The following DNAAF4 variants were observed in gnomAD, a reference collection of about 807,000 sequenced individuals.
The protein encoded by DNAAF4 is dynein axonemal assembly factor 4, also known as dynein assembly factor 4, axonemal.
Under a neutral mutation model 51.8 loss-of-function variants are expected in DNAAF4, and 43 were observed. The ratio of observed to expected loss-of-function variants is 0.83; its 90% CI spans 0.65 to 1.07. The LOEUF (loss-of-function observed/expected upper bound fraction) is 1.07, where lower values mean the gene tolerates loss of function less well. Ranked by LOEUF, DNAAF4 falls within the 50% of genes least tolerant of loss-of-function variation. The pLI is 0.00. For synonymous variants in DNAAF4, 194 were observed against 165.6 expected, an observed-to-expected ratio of 1.17 and a Z score of -1.32; for missense variants, 581 against 493.0, an observed-to-expected ratio of 1.18 and a Z score of -1.69.
At chr15:55,489,761 A>C (rs1216380181) in intron 4 of DNAAF4, among the ~76,000 whole-genome samples, 2 of 152,108 alleles carry the variant, frequency 1.3e-5, no homozygotes, top group Non-Finnish European at 2.9e-5. Flanking sequence ...ATAGAAAACA[A>C]TGCTAGTTAT....
intron 5 of DNAAF4, among the ~76,000 whole-genome samples, chr15:55,456,559 A>C (rs1208476869): frequency 6.6e-6 from 1 of 152,196 alleles, no homozygotes; most frequent in Non-Finnish European, 1.5e-5. Flanking sequence ...CACAATGCGA[A>C]CTTTTACTCC....
At chr15:55,479,660 C>T (rs1049312174) in intron 4 of DNAAF4, among the ~76,000 whole-genome samples, 6 of 152,054 alleles carry the variant, frequency 3.9e-5, no homozygotes, top group African/African-American at 7.2e-5. Context: ...GGAGACATAT[C>T]GCTAAATTCT....
intron 5 of DNAAF4, among the ~76,000 whole-genome samples, chr15:55,453,548 C>CTTT (rs1228330492): frequency 2.4e-4 from 28 of 115,652 alleles, no homozygotes; most frequent in African/African-American, 4.8e-4. Flanking sequence ...AAAAACAGTT[C>CTTT]TTTTTTTTTT....
intron 1 of DNAAF4, among the ~76,000 whole-genome samples, chr15:55,505,785 G>T (rs2058724296): frequency 6.6e-6 from 1 of 152,068 alleles, no homozygotes; most frequent in Non-Finnish European, 1.5e-5. Flanking sequence ...GGGGCTGGGG[G>T]AGGGATAGCG....
At chr15:55,504,028 A>G (rs1567039012) in intron 1 of DNAAF4, among the ~76,000 whole-genome samples, 2 of 152,208 alleles carry the variant, frequency 1.3e-5, no homozygotes, top group South Asian at 4.1e-4. Flanking sequence ...AGAAAACCGC[A>G]TAGCCTCAGC....
intron 4 of DNAAF4, among the ~76,000 whole-genome samples, chr15:55,482,840 T>C (rs771389543): frequency 1.3e-5 from 2 of 152,186 alleles, no homozygotes; most frequent in Non-Finnish European, 2.9e-5. Context: ...TACTATGCCA[T>C]ATTATTCATC....
chr15:55,443,692 A>T (rs1263292147), intron 6 of DNAAF4, among the ~76,000 whole-genome samples: 9 of 151,508 alleles, frequency 5.9e-5, no homozygotes, highest in South Asian at 2.1e-4. Flanking sequence ...ATTTCTCCAC[A>T]TCCTCTCCAG....
At position 55,439,507 on chromosome 15, in the gene DNAAF4, T is replaced by G. The variant is rs74375435; in HGVS notation, c.858A>C (p.Glu286Asp). ...DIAELCDLKE[E>D]EKNPEWLKDK... ...CCTTCAACCATTCTGGGTTCTTTTC[T>G]TCTTCTTTTAAATCGCAAAGTTCAG... Residue 286 changes from glutamate (E) to aspartate (D), a missense_variant, in exon 7 of 10, where the codon GAA (glutamate) becomes GAC (aspartate). Glu to Asp is a conservative substitution (Grantham distance 45). Transcript: ENST00000321149. The G allele has an allele frequency of 6.8e-6, 11 of 1,614,152 alleles. No homozygotes were observed. Among genetic ancestry groups the G allele is most frequent in the Non-Finnish European group, 9.3e-6 (11 of 1,180,008 alleles).
rs561682032 is a variant in DNAAF4 at position 55,492,210 on chromosome 15, C to T, written c.272-954G>A. Among the ~76,000 whole-genome samples, 29 of 90,506 alleles carry T rather than the reference C, an allele frequency of 3.2e-4. No homozygotes were observed. The South Asian group carries it at 3.7e-3, about 12-fold the overall frequency. The allele number at this position is 90,506 out of a possible 152,430, so 59.4% of individuals were successfully genotyped here. A position where few individuals can be genotyped will look rare whatever the true frequency, so the allele number is the denominator to read the frequency against. ...CCAAAGTTTCACAAACTGAAGACTA[C>T]GATCAATGGGTAAATTATCTTACAA... is the stretch of plus-strand genomic sequence containing the variant. On this transcript the variant is annotated intron_variant, in intron 3 of 9. Coordinates refer to ENST00000321149, the MANE Select transcript of DNAAF4 (RefSeq NM_130810.4).
At chr15:55,456,889 C>G (rs1205173034) in intron 5 of DNAAF4, among the ~76,000 whole-genome samples, 1 of 152,194 alleles carries the variant, frequency 6.6e-6, no homozygotes, top group Non-Finnish European at 1.5e-5. Context: ...TCCAAGGAAG[C>G]CATTCCTGGC....
intron 5 of DNAAF4, among the ~76,000 whole-genome samples, chr15:55,453,692 A>G (rs2057972602): frequency 6.6e-6 from 1 of 151,436 alleles, no homozygotes; most frequent in Non-Finnish European, 1.5e-5. Flanking sequence ...CTGGGACTAC[A>G]GGCACCCACC....
chr15:55,505,773 G>C (rs905445282), intron 1 of DNAAF4, among the ~76,000 whole-genome samples: 2 of 152,222 alleles, frequency 1.3e-5, no homozygotes, highest in Non-Finnish European at 2.9e-5. Context: ...TTGAGAGGTG[G>C]GGGGGCTGGG....
chr15:55,472,931 C>T (rs977142317), intron 4 of DNAAF4, among the ~76,000 whole-genome samples: 2 of 151,738 alleles, frequency 1.3e-5, no homozygotes, highest in African/African-American at 4.8e-5. Flanking sequence ...TTTGGGAAGC[C>T]GAGTCAGGCA....
chr15:55,477,406 C>T (rs995336418), intron 4 of DNAAF4, among the ~76,000 whole-genome samples: 12 of 151,912 alleles, frequency 7.9e-5, no homozygotes, highest in African/African-American at 2.9e-4. Context: ...AATGTAAAAT[C>T]ATAACACATA....
intron 1 of DNAAF4, among the ~76,000 whole-genome samples, chr15:55,498,843 A>C (rs1390912920): frequency 6.7e-6 from 1 of 150,014 alleles, no homozygotes; most frequent in Admixed American, 6.8e-5. Flanking sequence ...CCCGGGAGGC[A>C]GGGGTCGCAG....
chr15:55,429,303 T>C (rs1160712956), downstream of DNAAF4, among the ~76,000 whole-genome samples: 8 of 144,078 alleles, frequency 5.6e-5, no homozygotes, highest in Admixed American at 4.2e-4. Flanking sequence ...GTGGATCACC[T>C]GAGGTCAGCA....
intron 3 of DNAAF4, among the ~76,000 whole-genome samples, chr15:55,494,438 G>A (rs774401964): frequency 4.6e-5 from 7 of 151,804 alleles, no homozygotes; most frequent in Non-Finnish European, 1.0e-4. Context: ...TTGAGATGGA[G>A]TCTCGCTCTG....
At chr15:55,495,037 A>G (rs948340014) in intron 3 of DNAAF4, 2 of 152,028 alleles carry the variant, frequency 1.3e-5, no homozygotes, top group Non-Finnish European at 2.9e-5. Context: ...TTAATTTACA[A>G]GAGTCAAAAT....
intron 3 of DNAAF4, among the ~76,000 whole-genome samples, chr15:55,492,696 C>T (rs778636020): frequency 6.6e-6 from 1 of 151,922 alleles, no homozygotes; most frequent in African/African-American, 2.4e-5. Context: ...GGCATCACCA[C>T]GCCCACCTAA....
Sources: gnomAD v4.1 joint callset for allele counts (sites outside exome capture counted in the v4.1 genomes callset) on GRCh38, gnomAD v4.1.1 for gene constraint, MANE v1.5 for transcripts, NCBI Gene and HGNC (gene_info 2026-07-23, HGNC 2026-07-21) for gene names.